FGF14: variants seen among roughly 807,000 people sequenced by gnomAD.
FGF14 encodes the protein fibroblast growth factor homologous factor 4.
A neutral mutation model predicts 25.5 loss-of-function variants in FGF14; 5 were observed. The observed-to-expected ratio is 0.20, with a 90% CI of 0.10 to 0.41. The LOEUF (loss-of-function observed/expected upper bound fraction) is 0.41. FGF14 is among the 10% of genes least tolerant of loss of function. The pLI is 1.00. For missense variants in FGF14, 222 were observed against 320.1 expected (o/e 0.69, Z 2.34); for synonymous variants, 138 against 118.3 (o/e 1.17, Z -1.08).
chr13:102,139,587 C>T (rs939690697), intron 1 of FGF14, among the ~76,000 whole-genome samples: 5 of 152,042 alleles, frequency 3.3e-5, no homozygotes, highest in African/African-American at 9.7e-5. Context: ...CCACGGATGA[C>T]TGCTGTGGAG....
intron 1 of FGF14, among the ~76,000 whole-genome samples, chr13:101,983,103 T>G (rs952383199): frequency 6.9e-6 from 1 of 145,664 alleles, no homozygotes; most frequent in African/African-American, 2.8e-5. Flanking sequence ...TTTGGAGTTA[T>G]AAATAAATGA....
At chr13:102,367,017 C>T (rs549750928) in intron 1 of FGF14, among the ~76,000 whole-genome samples, 40 of 152,140 alleles carry the variant, frequency 2.6e-4, no homozygotes, top group Non-Finnish European at 4.4e-4. Flanking sequence ...GGGAAAAACA[C>T]AGAGAAAGGA....
At chr13:101,773,037 T>C (rs1157396550) in intron 3 of FGF14, among the ~76,000 whole-genome samples, 2 of 152,176 alleles carry the variant, frequency 1.3e-5, no homozygotes, top group Non-Finnish European at 2.9e-5. Flanking sequence ...GTGGTAGCTA[T>C]TCTGCTTAAG....
intron 3 of FGF14, among the ~76,000 whole-genome samples, chr13:101,828,014 A>G (rs1010691976): frequency 3.3e-5 from 5 of 151,936 alleles, no homozygotes; most frequent in African/African-American, 1.2e-4. Context: ...TCATGTCTGA[A>G]TTATTATGAA....
At chr13:101,807,932 A>G (rs527612270) in intron 3 of FGF14, among the ~76,000 whole-genome samples, 1 of 152,232 alleles carries the variant, frequency 6.6e-6, no homozygotes, top group Admixed American at 6.5e-5. Flanking sequence ...CAGAAATGAT[A>G]TTATTCTGCA....
At chr13:101,826,186 T>C (rs2042386181) in intron 3 of FGF14, among the ~76,000 whole-genome samples, 1 of 152,062 alleles carries the variant, frequency 6.6e-6, no homozygotes, top group Non-Finnish European at 1.5e-5. Context: ...GCCATAAATA[T>C]ATTCATCTTT....
chr13:102,360,220 G>A (rs1276711820), intron 1 of FGF14, among the ~76,000 whole-genome samples: 2 of 152,288 alleles, frequency 1.3e-5, no homozygotes, highest in African/African-American at 4.8e-5. Flanking sequence ...GAAGGATCAA[G>A]ATCATCCCTT....
chr13:102,048,165 G>T (rs2042072498), intron 1 of FGF14, among the ~76,000 whole-genome samples: 1 of 152,122 alleles, frequency 6.6e-6, no homozygotes, highest in South Asian at 2.1e-4. Flanking sequence ...CCCAGTTCAA[G>T]CTGTTTAATG....
intron 3 of FGF14, among the ~76,000 whole-genome samples, chr13:101,848,447 T>C (rs2043579458): frequency 6.6e-6 from 1 of 152,022 alleles, no homozygotes; most frequent in African/African-American, 2.4e-5. Context: ...AATGTAATAA[T>C]TTAGTATCAA....
At chr13:101,993,013 C>T (rs2038987616) in intron 1 of FGF14, among the ~76,000 whole-genome samples, 1 of 151,644 alleles carries the variant, frequency 6.6e-6, no homozygotes. Context: ...AAAATATCTG[C>T]ACTTAAATAT....
At chr13:101,776,614 A>G (rs2039120282) in intron 3 of FGF14, among the ~76,000 whole-genome samples, 1 of 152,196 alleles carries the variant, frequency 6.6e-6, no homozygotes. Context: ...GAGCATAAGA[A>G]AATCCCAGCT....
At chr13:101,735,773 T>A (rs1432076948) in intron 3 of FGF14, among the ~76,000 whole-genome samples, 1 of 152,108 alleles carries the variant, frequency 6.6e-6, no homozygotes, top group African/African-American at 2.4e-5. Flanking sequence ...AATTGAGCTC[T>A]AAGATCAAAC....
intron 1 of FGF14, among the ~76,000 whole-genome samples, chr13:102,027,186 C>CAA (rs977725938): frequency 2.0e-5 from 3 of 151,338 alleles, no homozygotes; most frequent in Admixed American, 1.3e-4. Context: ...GGGGTTTAAT[C>CAA]AACTTGAGAA....
chr13:102,251,927 C>T (rs966050849), intron 1 of FGF14, among the ~76,000 whole-genome samples: 2 of 152,146 alleles, frequency 1.3e-5, no homozygotes, highest in African/African-American at 4.8e-5. Flanking sequence ...CCAGAGAACT[C>T]ATTTTCTTTG....
At chr13:102,109,670 G>C (rs1422844484) in intron 1 of FGF14, among the ~76,000 whole-genome samples, 4 of 152,084 alleles carry the variant, frequency 2.6e-5, no homozygotes, top group Admixed American at 2.6e-4. Flanking sequence ...ACCTAGGCTG[G>C]AGAGCAGTGG....
At chr13:101,946,932 C>T (rs1485947120) in intron 1 of FGF14, among the ~76,000 whole-genome samples, 1 of 152,120 alleles carries the variant, frequency 6.6e-6, no homozygotes, top group Non-Finnish European at 1.5e-5. Flanking sequence ...ATTTTTATAT[C>T]TAGAGGAAGA....
chr13:102,276,380 TAC>T, intron 1 of FGF14, among the ~76,000 whole-genome samples: 1 of 131,448 alleles, frequency 7.6e-6, no homozygotes, highest in East Asian at 2.4e-4. Flanking sequence ...TATATATATA[TAC>T]ACATTATTGG....
At chr13:102,179,689 TG>T (rs2048590470) in intron 1 of FGF14, among the ~76,000 whole-genome samples, 1 of 152,180 alleles carries the variant, frequency 6.6e-6, no homozygotes, top group South Asian at 2.1e-4. Flanking sequence ...TTTAAACACC[TG>T]TATGTTGGTT....
rs114430790 is a variant in FGF14 at position 102,278,539 on chromosome 13, A to C, written c.208+122932T>G. Among the ~76,000 whole-genome samples the C allele has an allele frequency of 7.2e-3, 1,090 of 152,152 alleles. 15 individuals carry two copies. The highest frequency in any genetic ancestry group is 0.023 in the African/African-American group (957 of 41,502). ...CATCATTCCTTCTGGAAACAAAATC[A>C]AGTTGCTCTAAAACTCAGGCTTTTA... On this transcript the variant is annotated intron_variant, in intron 1 of 4. Coordinates refer to the FGF14 transcript ENST00000376131.
Sources: allele counts gnomAD v4.1 joint callset (sites outside exome capture counted in the v4.1 genomes callset), GRCh38; gene constraint gnomAD v4.1.1; transcripts MANE v1.5; gene names NCBI Gene and HGNC (gene_info 2026-07-23, HGNC 2026-07-21).